Variants in EPHB1 observed in about 807,000 individuals in gnomAD.
The protein encoded by EPHB1 is ephrin type-B receptor 1.
EPHB1 carries 30 observed loss-of-function variants against 94.4 expected under a neutral mutation model. The observed-to-expected ratio is 0.32, with a 90% CI of 0.24 to 0.43. EPHB1 has a LOEUF of 0.43. Among genes scored for constraint, EPHB1 ranks in the 20% least tolerant of loss-of-function variants. EPHB1 has a pLI of 1.00. For missense variants in EPHB1, 1,055 were observed against 1,308.3 expected (o/e 0.81, Z 2.99); for synonymous variants, 522 against 489.1 (o/e 1.07, Z -0.89).
At chr3:135,147,840 T>C (rs1029088285) in intron 5 of EPHB1, among the ~76,000 whole-genome samples, 5 of 152,188 alleles carry the variant, frequency 3.3e-5, no homozygotes, top group Admixed American at 6.5e-5. Context: ...TGGCAAGAGA[T>C]GTCCTCAAAC....
chr3:134,972,249 G>T (rs977506300), intron 3 of EPHB1, among the ~76,000 whole-genome samples: 1 of 151,494 alleles, frequency 6.6e-6, no homozygotes, highest in Admixed American at 6.6e-5. Context: ...GAGCATCCTT[G>T]CTATGAGTCA....
Position 134,824,322 on chromosome 3 carries a change from C to A in EPHB1, c.58+28633C>A, listed in dbSNP as rs551288880. On this transcript the variant is annotated intron_variant, in intron 1 of 15. Transcript: ENST00000398015. Reference sequence around the variant, plus strand: ...GGGTCCCTGGAAGGAGAATGGGAGGCAGAAACTCGATGTTGACTCTGCTGG... The same window carrying A: ...GGGTCCCTGGAAGGAGAATGGGAGGAAGAAACTCGATGTTGACTCTGCTGG... Among the ~76,000 whole-genome samples, 4 of 152,036 alleles carry A rather than the reference C, an allele frequency of 2.6e-5. No homozygotes were observed. In the South Asian group the frequency reaches 8.3e-4, roughly 32 times the overall value.
At chr3:135,235,279 T>G (rs1337479808) in intron 12 of EPHB1, among the ~76,000 whole-genome samples, 5 of 152,156 alleles carry the variant, frequency 3.3e-5, no homozygotes, top group Admixed American at 6.5e-5. Flanking sequence ...TTTAAGACAA[T>G]TCCTAAAGCA....
chr3:135,074,651 T>C (rs1485944358), intron 3 of EPHB1, among the ~76,000 whole-genome samples: 1 of 152,224 alleles, frequency 6.6e-6, no homozygotes, highest in African/African-American at 2.4e-5. Context: ...CCACAGGCAA[T>C]TGCACTTACC....
chr3:135,216,131 C>T (rs972499408), intron 12 of EPHB1, among the ~76,000 whole-genome samples: 1 of 152,172 alleles, frequency 6.6e-6, no homozygotes, highest in Admixed American at 6.5e-5. Flanking sequence ...TGCTGTGACT[C>T]AACTTCCCAG....
At chr3:135,199,340 C>T (rs928442093) in intron 11 of EPHB1, among the ~76,000 whole-genome samples, 1 of 152,190 alleles carries the variant, frequency 6.6e-6, no homozygotes, top group African/African-American at 2.4e-5. Flanking sequence ...GAAAATGCTT[C>T]GTGCTAGCAA....
rs564300405 is a variant in EPHB1 at position 135,006,109 on chromosome 3, C to T, written c.805+54057C>T. Among the ~76,000 whole-genome samples the T allele has an allele frequency of 3.3e-5, 5 of 152,326 alleles. No individual in the cohort carries two copies. The East Asian group carries it at 7.7e-4, about 24-fold the overall frequency. On this transcript the variant is annotated intron_variant, in intron 3 of 15. Coordinates refer to ENST00000398015, the MANE Select transcript of EPHB1 (RefSeq NM_004441.5). ...CATGATTGTAAGTTTCCTGAGGCCT[C>T]CCCAGCCATGTGGAACTGTGAGTCA...
At chr3:135,229,507 C>A (rs1332353751) in intron 12 of EPHB1, among the ~76,000 whole-genome samples, 2 of 152,034 alleles carry the variant, frequency 1.3e-5, no homozygotes, top group Non-Finnish European at 2.9e-5. Context: ...TCAAACATTG[C>A]AATGAAAAGA....
chr3:134,811,922 G>A (rs6762299), intron 1 of EPHB1, among the ~76,000 whole-genome samples: 7,324 of 152,242 alleles, frequency 0.048, 242 homozygotes, highest in South Asian at 0.19. Flanking sequence ...ATATCCTAGG[G>A]AGATCCAGAA....
chr3:135,249,237 G>A (rs1015626245), intron 14 of EPHB1, 99 bp from the exon 15 acceptor site: 5 of 1,369,664 alleles, frequency 3.7e-6, no homozygotes, highest in Non-Finnish European at 4.9e-6. Context: ...CATTCCATCA[G>A]GGATGCTGCC....
intron 1 of EPHB1, among the ~76,000 whole-genome samples, chr3:134,904,268 G>C (rs928636668): frequency 6.6e-6 from 1 of 152,186 alleles, no homozygotes; most frequent in African/African-American, 2.4e-5. Context: ...GCTTTTTCTT[G>C]GTTTAACTCC....
intron 15 of EPHB1, among the ~76,000 whole-genome samples, chr3:135,256,770 C>G (rs1933412112): frequency 6.6e-6 from 1 of 152,052 alleles, no homozygotes; most frequent in Non-Finnish European, 1.5e-5. Context: ...GCCTGCCTTG[C>G]CAGATTGGGG....
chr3:135,108,918 G>C (rs1939331438), intron 4 of EPHB1, among the ~76,000 whole-genome samples: 1 of 152,306 alleles, frequency 6.6e-6, no homozygotes, highest in East Asian at 1.9e-4. Context: ...AGACTACCAG[G>C]ACAGTGGGAA....
At chr3:134,798,857 T>TA (rs1051466767) in intron 1 of EPHB1, among the ~76,000 whole-genome samples, 1 of 152,192 alleles carries the variant, frequency 6.6e-6, no homozygotes, top group Admixed American at 6.5e-5. Flanking sequence ...CTGAAATTGC[T>TA]AACTGCTCAT....
At chr3:135,054,040 T>TATATACACACAC (rs377064799) in intron 3 of EPHB1, among the ~76,000 whole-genome samples, 112 of 139,870 alleles carry the variant, frequency 8.0e-4, no homozygotes, top group Middle Eastern at 7.4e-3. Flanking sequence ...TATATATATA[T>TATATACACACAC]ACACACACAC....
At chr3:135,159,187 A>G (rs547185282) in intron 6 of EPHB1, among the ~76,000 whole-genome samples, 1 of 152,288 alleles carries the variant, frequency 6.6e-6, no homozygotes, top group African/African-American at 2.4e-5. Context: ...ATAAGCAACC[A>G]ATAATAATAA....
intron 3 of EPHB1, among the ~76,000 whole-genome samples, chr3:134,972,447 T>C (rs1034436615): frequency 6.9e-6 from 1 of 144,482 alleles, no homozygotes; most frequent in East Asian, 2.0e-4. Context: ...ATATATTATA[T>C]GTATTATAAA....
At chr3:135,052,985 G>GTGTATATATA (rs1937225368) in intron 3 of EPHB1, among the ~76,000 whole-genome samples, 3 of 114,252 alleles carry the variant, frequency 2.6e-5, no homozygotes, top group Non-Finnish European at 5.0e-5. Context: ...ATATATATGT[G>GTGTATATATA]TGTGTATATA....
At chr3:135,147,609 C>T (rs966513) in intron 5 of EPHB1, among the ~76,000 whole-genome samples, 3 of 152,090 alleles carry the variant, frequency 2.0e-5, no homozygotes, top group Admixed American at 6.5e-5. Context: ...CCAACACACA[C>T]ACTGTATGGA....
Sources: gnomAD v4.1 joint callset for allele counts (sites outside exome capture counted in the v4.1 genomes callset) on GRCh38, gnomAD v4.1.1 for gene constraint, MANE v1.5 for transcripts, NCBI Gene and HGNC (gene_info 2026-07-23, HGNC 2026-07-21) for gene names.